FTO: variants seen among roughly 807,000 people sequenced by gnomAD.
FTO encodes the protein alpha-ketoglutarate-dependent dioxygenase FTO.
In FTO, 47 loss-of-function variants were observed where a neutral mutation model predicts 63.9. That is an observed-to-expected ratio of 0.74 (90% CI 0.58 to 0.94). FTO has a LOEUF of 0.94. Ranked by LOEUF, FTO falls within the 40% of genes least tolerant of loss-of-function variation. FTO has a pLI of 0.00. For synonymous variants in FTO, 207 were observed against 224.4 expected, an observed-to-expected ratio of 0.92 and a Z score of 0.69; for missense variants, 562 against 618.1, an observed-to-expected ratio of 0.91 and a Z score of 0.96.
intron 6 of FTO, among the ~76,000 whole-genome samples, chr16:53,884,682 G>A (rs1410402559): frequency 6.6e-6 from 1 of 152,194 alleles, no homozygotes; most frequent in African/African-American, 2.4e-5. Flanking sequence ...AAGTGGCTCA[G>A]AAATATTCTT....
At chr16:53,816,691 T>C (rs985367335) in intron 2 of FTO, among the ~76,000 whole-genome samples, 2 of 152,142 alleles carry the variant, frequency 1.3e-5, no homozygotes, top group Non-Finnish European at 2.9e-5. Context: ...TCTAGAGGCC[T>C]TCCCTTACCA....
intron 1 of FTO, among the ~76,000 whole-genome samples, chr16:53,751,030 A>G (rs923993375): frequency 2.5e-4 from 38 of 152,184 alleles, no homozygotes; most frequent in African/African-American, 8.4e-4. Flanking sequence ...ATCTTCAAAT[A>G]AAAGGAAGGT....
chr16:53,774,316 C>T (rs1171724192), intron 1 of FTO, among the ~76,000 whole-genome samples: 1 of 152,078 alleles, frequency 6.6e-6, no homozygotes, highest in African/African-American at 2.4e-5. Context: ...CTCAATATAC[C>T]TTTGCTTATA....
At chr16:53,798,164 T>C (rs981065873) in intron 1 of FTO, among the ~76,000 whole-genome samples, 1 of 152,162 alleles carries the variant, frequency 6.6e-6, no homozygotes, top group African/African-American at 2.4e-5. Flanking sequence ...ATTTATCTGT[T>C]TGTTTAGTAT....
intron 1 of FTO, among the ~76,000 whole-genome samples, chr16:53,734,111 C>T (rs2076334158): frequency 1.3e-5 from 2 of 152,296 alleles, no homozygotes; most frequent in Admixed American, 1.3e-4. Flanking sequence ...AATGGTATTA[C>T]CCAGGTCAAA....
chr16:53,716,735 A>G (rs1045716477), intron 1 of FTO, among the ~76,000 whole-genome samples: 1 of 151,830 alleles, frequency 6.6e-6, no homozygotes, highest in Non-Finnish European at 1.5e-5. Context: ...AAATTTCTTA[A>G]TGAAATTTTT....
At chr16:53,914,917 A>G (rs915012978) in intron 7 of FTO, among the ~76,000 whole-genome samples, 1 of 152,200 alleles carries the variant, frequency 6.6e-6, no homozygotes, top group African/African-American at 2.4e-5. Context: ...ACCCTTCTGC[A>G]TGGTTACAAT....
chr16:54,102,716 C>T (rs891703151), intron 8 of FTO, among the ~76,000 whole-genome samples: 6 of 152,112 alleles, frequency 3.9e-5, no homozygotes, highest in African/African-American at 7.2e-5. Context: ...ATGTGGAGAA[C>T]GTAAGACATT....
intron 8 of FTO, among the ~76,000 whole-genome samples, chr16:54,109,910 G>A (rs533375148): frequency 1.6e-3 from 241 of 152,106 alleles, no homozygotes; most frequent in African/African-American, 5.5e-3. Flanking sequence ...ATGTGTGCAC[G>A]GACAATTTAT....
intron 7 of FTO, among the ~76,000 whole-genome samples, chr16:53,900,012 C>T (rs531938397): frequency 1.2e-4 from 19 of 152,288 alleles, no homozygotes; most frequent in Admixed American, 7.2e-4. Context: ...TCCCCACCAA[C>T]CCACCCCACC....
chr16:53,976,538 AT>A (rs534398331), intron 8 of FTO, among the ~76,000 whole-genome samples: 100 of 152,168 alleles, frequency 6.6e-4, no homozygotes, highest in African/African-American at 2.3e-3. Context: ...TTTTTAGAAA[AT>A]TTCGTTAACT....
intron 1 of FTO, among the ~76,000 whole-genome samples, chr16:53,735,638 G>A (rs1036852639): frequency 1.3e-5 from 2 of 152,198 alleles, no homozygotes; most frequent in Non-Finnish European, 2.9e-5. Context: ...TGTGCTTCAC[G>A]GAGTGAGTAA....
chr16:54,004,926 C>T (rs140828799), intron 8 of FTO, among the ~76,000 whole-genome samples: 257 of 151,950 alleles, frequency 1.7e-3, no homozygotes, highest in African/African-American at 5.9e-3. Context: ...AAAAATTAGC[C>T]GGGCATGGTG....
chr16:53,880,026 G>A (rs770093671), intron 6 of FTO, 39 bp downstream of exon 6: 64 of 1,496,184 alleles, frequency 4.3e-5, no homozygotes, highest in Non-Finnish European at 1.1e-5. Context: ...ATGGAGTCTC[G>A]CTCTGTCACC....
intron 1 of FTO, among the ~76,000 whole-genome samples, chr16:53,754,115 A>C (rs1427836088): frequency 6.6e-6 from 1 of 152,174 alleles, no homozygotes; most frequent in African/African-American, 2.4e-5. Context: ...CAAATTTTGT[A>C]AATTTAGATG....
intron 4 of FTO, among the ~76,000 whole-genome samples, chr16:53,858,730 G>A (rs959297600): frequency 2.0e-5 from 3 of 151,488 alleles, no homozygotes; most frequent in African/African-American, 4.9e-5. Context: ...GTGGGATCTC[G>A]GCTCACTGCA....
At chr16:53,916,124 A>G (rs1455403495) in intron 7 of FTO, among the ~76,000 whole-genome samples, 1 of 152,226 alleles carries the variant, frequency 6.6e-6, no homozygotes, top group African/African-American at 2.4e-5. Context: ...CAGTGGGGAT[A>G]TAGCTTTTAA....
At chr16:53,984,858 T>G (rs572614612) in intron 8 of FTO, 8 of 444,482 alleles carry the variant, frequency 1.8e-5, no homozygotes, top group Non-Finnish European at 3.1e-5. Flanking sequence ...TCTTTTGGAT[T>G]GTTTAGCTGT....
intron 1 of FTO, among the ~76,000 whole-genome samples, chr16:53,772,533 C>T (rs1164128085): frequency 6.6e-6 from 1 of 152,022 alleles, no homozygotes; most frequent in African/African-American, 2.4e-5. Context: ...TTTTATCTGT[C>T]TTCCAACATT....
Sources: gnomAD v4.1 joint callset for allele counts (sites outside exome capture counted in the v4.1 genomes callset) on GRCh38, gnomAD v4.1.1 for gene constraint, MANE v1.5 for transcripts, NCBI Gene and HGNC (gene_info 2026-07-23, HGNC 2026-07-21) for gene names.